Variants in DTNA observed in about 807,000 individuals in gnomAD.
The protein encoded by DTNA is dystrophin-related protein 3.
In DTNA, 43 loss-of-function variants were observed where a neutral mutation model predicts 100.7. The ratio of observed to expected loss-of-function variants is 0.43; its 90% CI spans 0.33 to 0.55. DTNA has a LOEUF of 0.55. DTNA is among the 20% of genes least tolerant of loss of function. DTNA has a pLI of 0.04. For missense variants in DTNA, 798 were observed against 953.9 expected, an observed-to-expected ratio of 0.84 and a Z score of 2.15; for synonymous variants, 349 against 347.9, an observed-to-expected ratio of 1.00 and a Z score of -0.04.
intron 1 of DTNA, among the ~76,000 whole-genome samples, chr18:34,544,319 GT>G (rs200304081): frequency 6.6e-6 from 1 of 151,776 alleles, no homozygotes; most frequent in Non-Finnish European, 1.5e-5. Flanking sequence ...AAATAAATAT[GT>G]TTTTTTAAAA....
At chr18:34,511,278 A>T (rs2041059387) in intron 1 of DTNA, among the ~76,000 whole-genome samples, 1 of 152,036 alleles carries the variant, frequency 6.6e-6, no homozygotes, top group Non-Finnish European at 1.5e-5. Flanking sequence ...TATACTTAAG[A>T]CCCATCTGTT....
At chr18:34,791,971 T>G (rs1427697406) in intron 3 of DTNA, among the ~76,000 whole-genome samples, 1 of 152,232 alleles carries the variant, frequency 6.6e-6, no homozygotes, top group African/African-American at 2.4e-5. Context: ...GGACTCCAAG[T>G]CCAGTGCTCC....
intron 1 of DTNA, among the ~76,000 whole-genome samples, chr18:34,570,124 C>T (rs537217028): frequency 6.6e-6 from 1 of 152,244 alleles, no homozygotes; most frequent in African/African-American, 2.4e-5. Context: ...AACTAAATTG[C>T]CAAACTACCC....
intron 20 of DTNA, 144 bp downstream of exon 20, chr18:34,879,863 G>T: frequency 9.4e-7 from 1 of 1,067,248 alleles, no homozygotes; most frequent in Non-Finnish European, 1.4e-6. Flanking sequence ...AGATATAGAA[G>T]GGTGCTACAT....
chr18:34,858,538 G>A, intron 16 of DTNA, 140 bp downstream of exon 16: 1 of 804,426 alleles, frequency 1.2e-6, no homozygotes, highest in Non-Finnish European at 2.1e-6. Context: ...ACACGTAATT[G>A]CTGATATTTG....
At chr18:34,694,294 C>A (rs2080205659) in intron 1 of DTNA, among the ~76,000 whole-genome samples, 1 of 152,116 alleles carries the variant, frequency 6.6e-6, no homozygotes, top group Admixed American at 6.5e-5. Flanking sequence ...ATGGATGGAG[C>A]AATGTTTTTC....
At chr18:34,863,863 A>G (rs1198185464) in intron 16 of DTNA, 103 bp from the exon 17 acceptor site, 1 of 1,111,242 alleles carries the variant, frequency 9.0e-7, no homozygotes, top group Non-Finnish European at 1.3e-6. Flanking sequence ...TCAGAGACCC[A>G]GAGATGCCCT....
chr18:34,719,591 G>C (rs2084826011), intron 1 of DTNA, among the ~76,000 whole-genome samples: 1 of 152,114 alleles, frequency 6.6e-6, no homozygotes, highest in African/African-American at 2.4e-5. Flanking sequence ...GATGATACTT[G>C]TAACGTGCTC....
chr18:34,766,132 A>T, intron 3 of DTNA, 91 bp downstream of exon 3: 1 of 1,321,752 alleles, frequency 7.6e-7, no homozygotes, highest in South Asian at 1.2e-5. Context: ...TCTGTTACAA[A>T]TATTGCTAAT....
At chr18:34,533,692 G>GA in intron 1 of DTNA, among the ~76,000 whole-genome samples, 1 of 151,956 alleles carries the variant, frequency 6.6e-6, no homozygotes, top group East Asian at 1.9e-4. Context: ...TGCCGAAGAA[G>GA]AAAAAAATCT....
intron 1 of DTNA, among the ~76,000 whole-genome samples, chr18:34,553,890 A>C: frequency 6.6e-6 from 1 of 151,804 alleles, no homozygotes; most frequent in East Asian, 1.9e-4. Context: ...TGAACTTTAA[A>C]GTAGTTTTTT....
At chr18:34,581,731 C>A (rs938424382) in intron 1 of DTNA, among the ~76,000 whole-genome samples, 1 of 149,450 alleles carries the variant, frequency 6.7e-6, no homozygotes, top group Non-Finnish European at 1.5e-5. Flanking sequence ...AGCGATGATT[C>A]TCCTGCCTCA....
At chr18:34,729,007 A>G (rs961391565) in intron 1 of DTNA, among the ~76,000 whole-genome samples, 1 of 152,122 alleles carries the variant, frequency 6.6e-6, no homozygotes, top group African/African-American at 2.4e-5. Context: ...GTCTGAAGGA[A>G]AACACAGGCA....
At chr18:34,827,757 C>T in intron 10 of DTNA, 81 bp downstream of exon 10, 6 of 1,369,522 alleles carry the variant, frequency 4.4e-6, no homozygotes, top group Non-Finnish European at 6.3e-6. Flanking sequence ...TATTCTCATG[C>T]AAGCCAAGGG....
chr18:34,652,156 G>A (rs1193382500), intron 1 of DTNA, among the ~76,000 whole-genome samples: 3 of 149,508 alleles, frequency 2.0e-5, no homozygotes, highest in South Asian at 2.1e-4. Flanking sequence ...CAGCAACAAC[G>A]AAAACTGAGA....
At chr18:34,655,986 CAT>C (rs2074312239) in intron 1 of DTNA, among the ~76,000 whole-genome samples, 4 of 152,312 alleles carry the variant, frequency 2.6e-5, no homozygotes, top group South Asian at 4.1e-4. Context: ...CACATAAACA[CAT>C]GTTTACACAC....
intron 1 of DTNA, among the ~76,000 whole-genome samples, chr18:34,700,650 A>G (rs2081237441): frequency 6.6e-6 from 1 of 152,216 alleles, no homozygotes; most frequent in Non-Finnish European, 1.5e-5. Context: ...AAAACCACAC[A>G]GCAGACCATG....
At chr18:34,564,652 A>T (rs1188863731) in intron 1 of DTNA, among the ~76,000 whole-genome samples, 2 of 152,178 alleles carry the variant, frequency 1.3e-5, no homozygotes. Flanking sequence ...TTTTAAGTTG[A>T]GGTGTATTGT....
chr18:34,527,272 T>G (rs891677696), intron 1 of DTNA, among the ~76,000 whole-genome samples: 2 of 151,994 alleles, frequency 1.3e-5, no homozygotes, highest in South Asian at 4.2e-4. Context: ...GGTAATTTAG[T>G]CAAATCCTTT....
Sources: gnomAD v4.1 joint callset for allele counts (sites outside exome capture counted in the v4.1 genomes callset) on GRCh38, gnomAD v4.1.1 for gene constraint, MANE v1.5 for transcripts, NCBI Gene and HGNC (gene_info 2026-07-23, HGNC 2026-07-21) for gene names.